Variants in LBP observed in about 807,000 individuals in gnomAD.
The protein encoded by LBP is lipopolysaccharide binding protein.
A neutral mutation model predicts 56.6 loss-of-function variants in LBP; 53 were observed. The observed-to-expected ratio is 0.94, with a 90% CI of 0.75 to 1.18. The LOEUF (loss-of-function observed/expected upper bound fraction) is 1.18, where lower values mean the gene tolerates loss of function less well. LBP is among the 50% of genes most tolerant of loss of function. The probability of loss-of-function intolerance (pLI) is 0.00; values close to 1 mark genes in which losing one functional copy is unlikely to be tolerated. For missense variants in LBP, 601 were observed against 598.3 expected, an observed-to-expected ratio of 1.00 and a Z score of -0.05; for synonymous variants, 227 against 247.5, an observed-to-expected ratio of 0.92 and a Z score of 0.78.
intron 14 of LBP, among the ~76,000 whole-genome samples, chr20:38,374,950 A>ATTTTTTTTTTTTTTTTTTTTT (rs370110558): frequency 8.7e-5 from 11 of 127,144 alleles, no homozygotes; most frequent in Non-Finnish European, 1.1e-4. Context: ...CTCCCAGCTA[A>ATTTTTTTTTTTTTTTTTTTTT]TTTTTTTTTT....
chr20:38,376,520 G>A, intron 14 of LBP, 105 bp from the exon 15 acceptor site: 2 of 1,027,598 alleles, frequency 1.9e-6, no homozygotes, highest in East Asian at 4.8e-5. Flanking sequence ...CTGGATTCTG[G>A]CAGAGCTTGT....
At chr20:38,375,412 C>G (rs1265534403) in intron 14 of LBP, among the ~76,000 whole-genome samples, 4 of 151,838 alleles carry the variant, frequency 2.6e-5, no homozygotes, top group Admixed American at 2.6e-4. Flanking sequence ...GAAACCCCAT[C>G]TCTACTAAAA....
chr20:38,351,685 T>C (rs2076820986), intron 3 of LBP, among the ~76,000 whole-genome samples: 1 of 152,118 alleles, frequency 6.6e-6, no homozygotes, highest in East Asian at 1.9e-4. Context: ...TGGCTGCCCT[T>C]TGGCAATGTC....
chr20:38,367,458 A>C (rs2076886275), intron 9 of LBP, among the ~76,000 whole-genome samples: 1 of 152,210 alleles, frequency 6.6e-6, no homozygotes, highest in South Asian at 2.1e-4. Context: ...TGTCTCAAAA[A>C]AAATTATTAA....
chr20:38,348,123 T>G (rs1030418991), intron 1 of LBP, among the ~76,000 whole-genome samples: 2 of 152,184 alleles, frequency 1.3e-5, no homozygotes, highest in African/African-American at 4.8e-5. Flanking sequence ...AGGCTGCTGG[T>G]CATCTGTGTA....
chr20:38,364,162 A>G (rs2076872185), intron 7 of LBP, 96 bp downstream of exon 7: 3 of 812,680 alleles, frequency 3.7e-6, no homozygotes, highest in Non-Finnish European at 6.2e-6. Flanking sequence ...ATCTGTCCTC[A>G]TCCTCCCAGT....
chr20:38,375,209 G>C (rs1378520942), intron 14 of LBP, among the ~76,000 whole-genome samples: 1 of 150,068 alleles, frequency 6.7e-6, no homozygotes, highest in Non-Finnish European at 1.5e-5. Context: ...TTTTTTTTAA[G>C]TTTGTTTGTT....
Position 38,360,708 on chromosome 20 carries a change from G to A in LBP, c.593G>A (p.Cys198Tyr). 1.2e-6 allele frequency: 2 copies of A among 1,612,090 alleles called. No individual in the cohort carries two copies. Among genetic ancestry groups the A allele is most frequent in the Non-Finnish European group, 1.7e-6 (2 of 1,178,290 alleles). Reference protein sequence around the residue: ...KFQKVLESRICEMIQKSVSSD... With the variant: ...KFQKVLESRIYEMIQKSVSSD... ...TTCTCTTCCCATGTTTTTCAGATTT[G>A]CGAAATGATCCAGAAATCAGTGTCC... Residue 198 changes from cysteine (C) to tyrosine (Y), a missense_variant, in exon 6 of 15, where the codon TGC (cysteine) becomes TAC (tyrosine). Cys to Tyr is a radical substitution (Grantham distance 194). Coordinates refer to ENST00000217407, the MANE Select transcript of LBP (RefSeq NM_004139.5).
chr20:38,350,080 G>A (rs2076815192), intron 2 of LBP, among the ~76,000 whole-genome samples: 1 of 152,148 alleles, frequency 6.6e-6, no homozygotes. Flanking sequence ...CCAGGAGAAG[G>A]TGGCATTTGA....
chr20:38,365,738 A>ATATATATATATT (rs1555845112), intron 8 of LBP, among the ~76,000 whole-genome samples: 1 of 144,394 alleles, frequency 6.9e-6, no homozygotes, highest in African/African-American at 2.5e-5. Flanking sequence ...ATATATATAT[A>ATATATATATATT]TATATATTTA....
chr20:38,355,373 G>C lies in LBP; in HGVS notation c.552G>C (p.Gln184His). The C allele has an allele frequency of 6.2e-7, 1 of 1,613,824 alleles. No homozygotes were observed. Among genetic ancestry groups the C allele is most frequent in the African/African-American group, 1.3e-5 (1 of 75,068 alleles). The change falls in exon 5 of 15, where the codon CAG (glutamine) becomes CAC (histidine). Residue 184 changes from glutamine to histidine, a missense_variant. Gln to His is a conservative substitution (Grantham distance 24). Transcript: ENST00000217407. ...GGCTGTTGAACCTCTTCCACAACCA[G>C]ATTGAGTCCAAGTTCCAGAAAGTAC... Reference protein sequence around the residue: ...LGWLLNLFHNQIESKFQKVLE... With the variant: ...LGWLLNLFHNHIESKFQKVLE...
At position 38,364,737 on chromosome 20, in the gene LBP, C is replaced by A; in HGVS notation, c.906C>A (p.Ser302=). 2 of 1,610,820 alleles carry A rather than the reference C, an allele frequency of 1.2e-6. No individual in the cohort carries two copies. The highest frequency in any genetic ancestry group is 1.7e-6 in the Non-Finnish European group (2 of 1,178,168). The change falls in exon 8 of 15, where the codon TCC becomes TCA. Residue 302 remains serine (S), a synonymous_variant. Transcript: ENST00000217407. ...VYHEEGYLNF[S]ITDDMIPPDS... ...ATGAGGAAGGATATCTGAACTTCTC[C>A]ATCACAGATGACATGGTGAGGATGG...
At chr20:38,372,981 G>T in intron 12 of LBP, 91 bp from the exon 13 acceptor site, 1 of 1,021,164 alleles carries the variant, frequency 9.8e-7, no homozygotes, top group Non-Finnish European at 1.5e-6. Flanking sequence ...ATACTAGTTT[G>T]CTTTTCCCAA....
Position 38,354,452 on chromosome 20 carries a change from C to CGG in LBP, c.524+16_524+17dup, listed in dbSNP as rs774010124. On this transcript the variant is annotated intron_variant, in intron 4 of 14. Transcript: ENST00000217407. ...CGGGAGACTTGGGGTAGGTCTCCAT[C>CGG]GGGGCACTGCCAGCTGGACTCCTGG... The CGG allele has an allele frequency of 1.2e-6, 2 of 1,600,212 alleles. No individual in the cohort carries two copies. The highest frequency in any genetic ancestry group is 1.7e-6 in the Non-Finnish European group (2 of 1,172,266).
rs1215054972 is a variant in LBP at position 38,364,012 on chromosome 20, T to C, written c.690T>C (p.Tyr230=). 3.7e-6 allele frequency: 6 copies of C among 1,613,944 alleles called. No homozygotes were observed. Among genetic ancestry groups the C allele is most frequent in the Non-Finnish European group, 5.1e-6 (6 of 1,179,926 alleles). Residue 230 remains tyrosine (Y), a synonymous_variant, in exon 7 of 15, where the codon TAT becomes TAC. Coordinates refer to ENST00000217407, the MANE Select transcript of LBP (RefSeq NM_004139.5). ...TTGACAGTTTCGCCGACATTGATTATAGCTTAGTGGAAGCCCCTCGGGCAA... is the reference window on the plus strand; with the variant it reads ...TTGACAGTTTCGCCGACATTGATTACAGCTTAGTGGAAGCCCCTCGGGCAA... ...TEIDSFADID[Y]SLVEAPRATA...
intron 13 of LBP, among the ~76,000 whole-genome samples, chr20:38,373,414 T>C (rs746134103): frequency 2.6e-5 from 4 of 152,240 alleles, no homozygotes; most frequent in Non-Finnish European, 5.9e-5. Context: ...CCCCACATCC[T>C]GAAGAGGCAG....
Position 38,363,999 on chromosome 20 carries a change from C to G in LBP, c.677C>G (p.Ala226Gly). 1 of 1,613,864 alleles carries G rather than the reference C, an allele frequency of 6.2e-7. No homozygotes were observed. Among genetic ancestry groups the G allele is most frequent in the Non-Finnish European group, 8.5e-7 (1 of 1,179,778 alleles). ...GTTACAACAGAGATTGACAGTTTCG[C>G]CGACATTGATTATAGCTTAGTGGAA... Reference protein sequence around the residue: ...LPVTTEIDSFADIDYSLVEAP... With the variant: ...LPVTTEIDSFGDIDYSLVEAP... The change falls in exon 7 of 15, where the codon GCC becomes GGC. Residue 226 changes from alanine (A) to glycine (G), a missense_variant. Coordinates refer to ENST00000217407, the MANE Select transcript of LBP (RefSeq NM_004139.5).
chr20:38,375,871 C>G (rs1274592422), intron 14 of LBP, among the ~76,000 whole-genome samples: 2 of 152,114 alleles, frequency 1.3e-5, no homozygotes, highest in African/African-American at 4.8e-5. Context: ...GATTAGGGAC[C>G]TAGAAACACT....
At chr20:38,353,638 C>T (rs2122598943) in intron 3 of LBP, among the ~76,000 whole-genome samples, 1 of 152,102 alleles carries the variant, frequency 6.6e-6, no homozygotes, top group South Asian at 2.1e-4. Context: ...GAGGAGAGAT[C>T]TCACTGATTT....
Sources: gnomAD v4.1 joint callset for allele counts (sites outside exome capture counted in the v4.1 genomes callset) on GRCh38, gnomAD v4.1.1 for gene constraint, MANE v1.5 for transcripts, NCBI Gene and HGNC (gene_info 2026-07-23, HGNC 2026-07-21) for gene names.